PDXDC1: variants seen among roughly 807,000 people sequenced by gnomAD.
PDXDC1 encodes the protein pyridoxal dependent decarboxylase domain containing 1.
In PDXDC1, 42 loss-of-function variants were observed where a neutral mutation model predicts 100.1. That is an observed-to-expected ratio of 0.42 (90% CI 0.33 to 0.54). The LOEUF (loss-of-function observed/expected upper bound fraction) is 0.54, where lower values mean the gene tolerates loss of function less well. PDXDC1 is among the 20% of genes least tolerant of loss of function. The pLI is 0.10. For missense variants in PDXDC1, 636 were observed against 979.2 expected, an observed-to-expected ratio of 0.65 and a Z score of 4.68; for synonymous variants, 260 against 371.7, an observed-to-expected ratio of 0.70 and a Z score of 3.46.
At chr16:15,047,875 A>G (rs1192403181) in intron 16 of PDXDC1, 1 of 1,613,662 alleles carries the variant, frequency 6.2e-7, no homozygotes, top group South Asian at 1.1e-5. Flanking sequence ...CAGGACCACA[A>G]TGTGACAAGT....
At position 15,038,220 on chromosome 16, in the gene PDXDC1, C is replaced by G; in HGVS notation, c.*1945C>G. The G allele has an allele frequency of 6.2e-7, 1 of 1,610,096 alleles. No individual in the cohort carries two copies. The highest frequency in any genetic ancestry group is 8.5e-7 in the Non-Finnish European group (1 of 1,177,702). On this transcript the variant is annotated 3_prime_UTR_variant, in exon 23 of 23. Coordinates refer to ENST00000396410, the MANE Select transcript of PDXDC1 (RefSeq NM_015027.4). ...GCGAAGTGGAAAGATTCTGAAAACACAAGATGGTGGGCATTAGAGAAGCCA... is the reference window on the plus strand; with the variant it reads ...GCGAAGTGGAAAGATTCTGAAAACAGAAGATGGTGGGCATTAGAGAAGCCA...
intron 16 of PDXDC1, chr16:15,135,122 G>A: frequency 1.5e-6 from 1 of 658,394 alleles, no homozygotes; most frequent in Admixed American, 2.1e-5. Flanking sequence ...TTGGAAGGAA[G>A]CAAAGCTGAA....
At chr16:15,083,271 C>A (rs1292982923) in intron 16 of PDXDC1, among the ~76,000 whole-genome samples, 1 of 152,024 alleles carries the variant, frequency 6.6e-6, no homozygotes, top group East Asian at 1.9e-4. Flanking sequence ...TGGTGGTAGG[C>A]GCCTGCAGTC....
At chr16:15,073,456 T>C (rs1018235816) in intron 16 of PDXDC1, among the ~76,000 whole-genome samples, 13 of 152,004 alleles carry the variant, frequency 8.6e-5, no homozygotes, top group African/African-American at 3.1e-4. Flanking sequence ...CCGTGGCTAT[T>C]TAAAAAAAAA....
At chr16:14,979,921 A>G (rs1204118545) in intron 1 of PDXDC1, among the ~76,000 whole-genome samples, 1 of 152,292 alleles carries the variant, frequency 6.6e-6, no homozygotes, top group Non-Finnish European at 1.5e-5. Flanking sequence ...GGCTTTGTAG[A>G]TCCCACTCTT....
intron 15 of PDXDC1, chr16:15,029,555 A>T (rs1188237162): frequency 5.3e-6 from 2 of 374,896 alleles, no homozygotes; most frequent in African/African-American, 4.1e-5. Flanking sequence ...AACTGGTCAT[A>T]AACGAAATGA....
At chr16:15,092,496 T>C in intron 16 of PDXDC1, 1 of 1,577,458 alleles carries the variant, frequency 6.3e-7, no homozygotes, top group South Asian at 1.1e-5. Context: ...CCTCACACAT[T>C]ATCTCCCCTT....
chr16:15,135,964 GC>G, intron 16 of PDXDC1: 1 of 1,575,122 alleles, frequency 6.3e-7, no homozygotes, highest in East Asian at 2.3e-5. Flanking sequence ...CACGCGCCGG[GC>G]ACCCCGGCTG....
At chr16:15,005,304 CAAAA>C (rs74858191) in intron 5 of PDXDC1, among the ~76,000 whole-genome samples, 1 of 54,670 alleles carries the variant, frequency 1.8e-5, no homozygotes, top group African/African-American at 6.3e-5. Flanking sequence ...GACTCTGTCT[CAAAA>C]AAAAAAAAAA....
chr16:15,055,744 T>C, intron 16 of PDXDC1: 1 of 412,488 alleles, frequency 2.4e-6, no homozygotes, highest in Admixed American at 4.6e-5. Flanking sequence ...CCCCGACCCC[T>C]CAAGGGGAAG....
At chr16:15,095,786 G>C (rs1178235321) in intron 16 of PDXDC1, among the ~76,000 whole-genome samples, 2 of 151,746 alleles carry the variant, frequency 1.3e-5, no homozygotes, top group East Asian at 3.9e-4. Flanking sequence ...GGAGGCAGAG[G>C]TTGCAGTGAG....
In PDXDC1 at chr16:15,036,289, G is replaced by A. The variant is rs1043468250; in HGVS notation, c.*14G>A. ...AGCTTAAGATGAGACTCATTGTGTGGTTTGAGACTGTACTGAGTATTGTTT... is the reference window on the plus strand; with the variant it reads ...AGCTTAAGATGAGACTCATTGTGTGATTTGAGACTGTACTGAGTATTGTTT... On this transcript the variant is annotated 3_prime_UTR_variant, in exon 23 of 23. Transcript: ENST00000396410. 14 of 1,607,482 alleles carry A rather than the reference G, an allele frequency of 8.7e-6. No individual in the cohort carries two copies. Among genetic ancestry groups the A allele is most frequent in the Non-Finnish European group, 1.1e-5 (13 of 1,174,804 alleles).
At chr16:15,137,935 G>C in intron 16 of PDXDC1, 1 of 944,254 alleles carries the variant, frequency 1.1e-6, no homozygotes, top group South Asian at 1.4e-5. Flanking sequence ...TGCGGGGCAG[G>C]GGCAGGTGTT....
intron 1 of PDXDC1, chr16:14,989,788 A>G (rs1040712042): frequency 2.6e-6 from 4 of 1,543,522 alleles, no homozygotes; most frequent in African/African-American, 2.8e-5. Context: ...AGCTGCACGA[A>G]GGGCACAAAG....
rs893190229 is a variant in PDXDC1, at chr16:15,097,655, A to AAG, written c.1400-41222_1400-41221dup. On this transcript the variant is annotated intron_variant, in intron 16 of 16. Coordinates refer to the PDXDC1 transcript ENST00000535621. ...AGACTCCGTCTCCAAAAAAAAAAAA[A>AAG]AGAACATAATGAACACCTGTGAACA... Among the ~76,000 whole-genome samples, 165 of 151,576 alleles carry AAG rather than the reference A, an allele frequency of 1.1e-3. 1 individual carries two copies. Among genetic ancestry groups the AAG allele is most frequent in the African/African-American group, 3.7e-3 (155 of 41,396 alleles).
chr16:15,018,019 C>T (rs1463154760), intron 11 of PDXDC1, among the ~76,000 whole-genome samples: 1 of 151,882 alleles, frequency 6.6e-6, no homozygotes. Flanking sequence ...AACTCGCGAT[C>T]TCAGGTGATC....
intron 16 of PDXDC1, among the ~76,000 whole-genome samples, chr16:15,069,865 G>A (rs1400090775): frequency 6.6e-6 from 1 of 152,156 alleles, no homozygotes; most frequent in Non-Finnish European, 1.5e-5. Flanking sequence ...CATCTTAAGG[G>A]GTTTGTAGGG....
intron 16 of PDXDC1, among the ~76,000 whole-genome samples, chr16:15,063,448 C>T (rs58854280): frequency 0.056 from 8,502 of 152,132 alleles, 391 homozygotes; most frequent in African/African-American, 0.12. Context: ...GTGGCTCACG[C>T]CTGTAATCCC....
intron 1 of PDXDC1, among the ~76,000 whole-genome samples, chr16:14,995,868 G>A (rs1314881829): frequency 9.2e-5 from 14 of 152,280 alleles, no homozygotes; most frequent in Non-Finnish European, 1.9e-4. Context: ...GTTTAGTCTT[G>A]GGAGGGTGTA....
Sources: gnomAD v4.1 joint callset for allele counts (sites outside exome capture counted in the v4.1 genomes callset) on GRCh38, gnomAD v4.1.1 for gene constraint, MANE v1.5 for transcripts, NCBI Gene and HGNC (gene_info 2026-07-23, HGNC 2026-07-21) for gene names.